The following DMD variants were observed in gnomAD, a reference collection of about 807,000 sequenced individuals.
The protein encoded by DMD is dystrophin.
A neutral mutation model predicts 330.1 loss-of-function variants in DMD; 63 were observed. The ratio of observed to expected loss-of-function variants is 0.19; its 90% CI spans 0.16 to 0.24. The LOEUF (loss-of-function observed/expected upper bound fraction) is 0.24, where lower values mean the gene tolerates loss of function less well. Ranked by LOEUF, DMD falls within the 10% of genes least tolerant of loss-of-function variation. The pLI, the probability that DMD is intolerant of heterozygous loss-of-function variation, is 1.00. For synonymous variants in DMD, 1,223 were observed against 959.8 expected (o/e 1.27, Z -5.07); for missense variants, 3,344 against 2,684.1 (o/e 1.25, Z -5.43).
chrX:31,961,494 C>T (rs747161764), intron 45 of DMD, among the ~76,000 whole-genome samples: 1 of 111,553 alleles, frequency 9.0e-6, no homozygotes, highest in African/African-American at 3.2e-5. Context: ...GTCCTCTGCC[C>T]TCATGAAGCT....
At chrX:31,456,870 GTGTGTGTATA>G (rs1460235890) in intron 59 of DMD, among the ~76,000 whole-genome samples, 18 of 98,221 alleles carry the variant, frequency 1.8e-4, no homozygotes, top group African/African-American at 6.7e-4. Context: ...GTGTGTGTGT[GTGTGTGTATA>G]TATATATATA....
chrX:32,344,867 G>C lies in DMD; in HGVS notation c.5586+1076C>G, dbSNP rs973613298. On this transcript the variant is annotated intron_variant, in intron 39 of 78. Coordinates refer to ENST00000357033, the MANE Select transcript of DMD (RefSeq NM_004006.3). ...AGTTACATAGCGTTCCGATTTTCTA[G>C]ACACATTATGGTGTGCTTTTGCACT... is the stretch of plus-strand genomic sequence containing the variant. 3.6e-5 allele frequency among the ~76,000 whole-genome samples: 4 copies of C among 111,373 alleles called. No individual in the cohort carries two copies. The Admixed American group carries it at 3.8e-4, about 11-fold the overall frequency.
intron 41 of DMD, among the ~76,000 whole-genome samples, chrX:32,336,004 CGTTATATATAACG>C (rs1569558541): frequency 2.0e-4 from 6 of 29,788 alleles, no homozygotes; most frequent in Non-Finnish European, 4.0e-4. Flanking sequence ...GTATATATAA[CGTTATATATAACG>C]TGTATATATA....
chrX:31,338,150 AC>A (rs1209189459), intron 61 of DMD, among the ~76,000 whole-genome samples: 1 of 108,986 alleles, frequency 9.2e-6, no homozygotes, highest in African/African-American at 3.3e-5. Flanking sequence ...ACAGCCAATG[AC>A]TAATTCACAC....
chrX:32,520,718 T>C (rs2046335927), intron 17 of DMD, among the ~76,000 whole-genome samples: 1 of 111,845 alleles, frequency 8.9e-6, no homozygotes, highest in African/African-American at 3.3e-5. Flanking sequence ...TTCCCTACTT[T>C]GTTTCCTGGG....
At chrX:31,158,657 A>G (rs1331233702) in intron 74 of DMD, among the ~76,000 whole-genome samples, 2 of 112,144 alleles carry the variant, frequency 1.8e-5, no homozygotes, top group Non-Finnish European at 3.8e-5. Context: ...CGAGAATTAT[A>G]TCTCAATAAA....
intron 64 of DMD, among the ~76,000 whole-genome samples, chrX:31,212,428 G>C (rs2044826083): frequency 9.1e-6 from 1 of 109,720 alleles, no homozygotes; most frequent in South Asian, 4.0e-4. Flanking sequence ...CCTCTTTGCT[G>C]TGCAGGAAAA....
chrX:32,664,239 T>A (rs1401865350), intron 9 of DMD, among the ~76,000 whole-genome samples: 1 of 69,551 alleles, frequency 1.4e-5, no homozygotes, highest in Non-Finnish European at 2.6e-5. Flanking sequence ...CTGGCATAGG[T>A]TTTTTTTTTT....
intron 43 of DMD, among the ~76,000 whole-genome samples, chrX:32,225,083 C>T (rs1352451543): frequency 1.8e-5 from 2 of 111,939 alleles, no homozygotes; most frequent in Non-Finnish European, 3.8e-5. Context: ...TATAGGTAAA[C>T]TTGTTAAATG....
intron 55 of DMD, among the ~76,000 whole-genome samples, chrX:31,604,619 A>C (rs1344640666): frequency 8.9e-6 from 1 of 112,411 alleles, no homozygotes; most frequent in Non-Finnish European, 1.9e-5. Context: ...CCAAACAGGT[A>C]TATGAATTTA....
intron 51 of DMD, among the ~76,000 whole-genome samples, chrX:31,746,244 T>C (rs970394135): frequency 6.2e-5 from 7 of 112,136 alleles, no homozygotes; most frequent in African/African-American, 1.6e-4. Flanking sequence ...TGATACTACC[T>C]GTAGATGGGA....
At chrX:32,155,104 A>T (rs1205825174) in intron 44 of DMD, among the ~76,000 whole-genome samples, 2 of 109,384 alleles carry the variant, frequency 1.8e-5, no homozygotes, top group Non-Finnish European at 3.8e-5. Context: ...ATATGGTTTA[A>T]CTTGAGAGCA....
At chrX:31,169,987 G>A (rs2039828879) in intron 73 of DMD, among the ~76,000 whole-genome samples, 1 of 112,147 alleles carries the variant, frequency 8.9e-6, no homozygotes, top group South Asian at 3.7e-4. Context: ...ACTAACCCAC[G>A]CTATTGTTGT....
At chrX:31,579,749 C>T (rs1453215862) in intron 55 of DMD, among the ~76,000 whole-genome samples, 2 of 111,908 alleles carry the variant, frequency 1.8e-5, no homozygotes, top group Non-Finnish European at 3.8e-5. Flanking sequence ...AACAATGGAG[C>T]GTATATTTGT....
At chrX:32,535,718 T>C (rs1351589917) in intron 17 of DMD, among the ~76,000 whole-genome samples, 1 of 111,723 alleles carries the variant, frequency 9.0e-6, no homozygotes, top group African/African-American at 3.3e-5. Flanking sequence ...ATTCCTTATA[T>C]TACGTTTCCT....
At chrX:31,817,612 T>A (rs934889602) in intron 50 of DMD, among the ~76,000 whole-genome samples, 3 of 111,592 alleles carry the variant, frequency 2.7e-5, no homozygotes, top group African/African-American at 9.8e-5. Flanking sequence ...CTACCACAAC[T>A]CTGCCAGCTA....
intron 45 of DMD, among the ~76,000 whole-genome samples, chrX:31,944,324 C>CTT (rs2095053083): frequency 8.9e-6 from 1 of 111,912 alleles, no homozygotes; most frequent in Non-Finnish European, 1.9e-5. Context: ...CTTAAGCTAA[C>CTT]TTTTAAAGAG....
chrX:32,874,262 T>G (rs2083215452), intron 2 of DMD, among the ~76,000 whole-genome samples: 1 of 112,204 alleles, frequency 8.9e-6, no homozygotes, highest in Non-Finnish European at 1.9e-5. Context: ...AAGTTCATTT[T>G]TACAGAGAGC....
intron 42 of DMD, among the ~76,000 whole-genome samples, chrX:32,297,419 G>A (rs958700941): frequency 2.0e-4 from 22 of 109,490 alleles, no homozygotes; most frequent in East Asian, 1.7e-3. Context: ...GATTACAGGC[G>A]CCCGCCACCA....
Sources: allele counts gnomAD v4.1 joint callset (sites outside exome capture counted in the v4.1 genomes callset), GRCh38; gene constraint gnomAD v4.1.1; transcripts MANE v1.5; gene names NCBI Gene and HGNC (gene_info 2026-07-23, HGNC 2026-07-21).